The following EMX2 variants were observed in gnomAD, a reference collection of about 807,000 sequenced individuals.
The protein encoded by EMX2 is empty spiracles homeobox 2.
In EMX2, 6 loss-of-function variants were observed where a neutral mutation model predicts 23.0. The observed-to-expected ratio is 0.26, with a 90% CI of 0.14 to 0.52. EMX2 has a LOEUF of 0.52. Ranked by LOEUF, EMX2 falls within the 20% of genes least tolerant of loss-of-function variation. The probability of loss-of-function intolerance (pLI) is 0.97; values close to 1 mark genes in which losing one functional copy is unlikely to be tolerated. For synonymous variants in EMX2, 175 were observed against 153.3 expected (o/e 1.14, Z -1.04); for missense variants, 302 against 341.4 (o/e 0.88, Z 0.91).
Position 117,548,536 on chromosome 10 carries a change from GAA to G in EMX2, c.*306_*307del. On this transcript the variant is annotated 3_prime_UTR_variant, in exon 3 of 3. Transcript: ENST00000553456. ...AAGGAGAAAGAGGGAGGGAGAGAGA[GAA>G]AGAGAGAGAAAGAGAGAGAGAGAGA... The G allele has an allele frequency of 2.3e-6, 1 of 430,482 alleles. No homozygotes were observed. Among genetic ancestry groups the G allele is most frequent in the African/African-American group, 4.7e-5 (1 of 21,070 alleles). The allele number at this position is 430,482 out of a possible 1,614,324, so 26.7% of individuals were successfully genotyped here.
At position 117,548,411 on chromosome 10, in the gene EMX2, G is replaced by T; in HGVS notation, c.*179G>T. On this transcript the variant is annotated 3_prime_UTR_variant, in exon 3 of 3. Coordinates refer to ENST00000553456, the MANE Select transcript of EMX2 (RefSeq NM_004098.4). ...AGACTCTGGACAGCGAGGGCACAGGGTCCCAAACCGAGGCCGCGCCAAGAT... is the reference window on the plus strand; with the variant it reads ...AGACTCTGGACAGCGAGGGCACAGGTTCCCAAACCGAGGCCGCGCCAAGAT... 2.0e-6 allele frequency: 2 copies of T among 1,020,106 alleles called. No individual in the cohort carries two copies. Among genetic ancestry groups the T allele is most frequent in the South Asian group, 1.7e-5 (1 of 59,200 alleles). 63.2% of individuals were successfully genotyped at this position (1,020,106 alleles called of 1,614,324 possible).
intron 2 of EMX2, 130 bp downstream of exon 2, chr10:117,545,946 G>C (rs1030543291): frequency 7.7e-7 from 1 of 1,305,792 alleles, no homozygotes; most frequent in South Asian, 1.3e-5. Context: ...CTGGTTCCAC[G>C]CCTGGGCTCG....
rs1846619730 is a variant in EMX2, at chr10:117,548,901, T to G, written c.*669T>G. On this transcript the variant is annotated 3_prime_UTR_variant, in exon 3 of 3. Coordinates refer to ENST00000553456, the MANE Select transcript of EMX2 (RefSeq NM_004098.4). ...ATGAATTGTAATTTTCTTTTCCTTT[T>G]AAAGACAGGTTCTGTGTGCTTTTTA... is the stretch of plus-strand genomic sequence containing the variant. 1.1e-5 allele frequency: 4 copies of G among 377,166 alleles called. No individual in the cohort carries two copies. The highest frequency in any genetic ancestry group is 2.1e-5 in the African/African-American group (1 of 48,324). The allele number at this position is 377,166 out of a possible 1,614,324, so 23.4% of individuals were successfully genotyped here.
At chr10:117,546,636 C>A (rs899300588) in intron 2 of EMX2, among the ~76,000 whole-genome samples, 2 of 152,244 alleles carry the variant, frequency 1.3e-5, no homozygotes, top group East Asian at 1.9e-4. Flanking sequence ...TTGTGCGGAG[C>A]CCGGCACAAG....
At position 117,548,248 on chromosome 10, in the gene EMX2, C is replaced by A. The variant is rs1457255673; in HGVS notation, c.*16C>A. ...AGATGATTAAAAACATAAACCTAAC[C>A]CCACAGAAACGGACAACATGGAGCA... On this transcript the variant is annotated 3_prime_UTR_variant, in exon 3 of 3. Transcript: ENST00000553456. The A allele has an allele frequency of 1.2e-6, 2 of 1,612,614 alleles. No individual in the cohort carries two copies. Among genetic ancestry groups the A allele is most frequent in the Non-Finnish European group, 1.7e-6 (2 of 1,179,424 alleles).
chr10:117,543,333 G>A lies in EMX2; in HGVS notation c.66G>A (p.Leu22=). The A allele has an allele frequency of 6.4e-7, 1 of 1,554,858 alleles. No individual in the cohort carries two copies. The highest frequency in any genetic ancestry group is 2.4e-5 in the East Asian group (1 of 41,120). ...IESLVAKDSP[L]PASRSEDPIR... ...CGCTGGTGGCCAAGGACAGTCCCCT[G>A]CCCGCCTCGCGCTCCGAGGACCCCA... Residue 22 remains leucine, a synonymous_variant, in exon 1 of 3, where the codon CTG becomes CTA. Transcript: ENST00000553456.
Position 117,545,808 on chromosome 10 carries a change from G to C in EMX2, c.583G>C (p.Glu195Gln). The C allele has an allele frequency of 6.2e-7, 1 of 1,613,880 alleles. No homozygotes were observed. The highest frequency in any genetic ancestry group is 1.1e-5 in the South Asian group (1 of 91,086). Residue 195 changes from glutamate to glutamine, a missense_variant, in exon 2 of 3, where the codon GAA (glutamate) becomes CAA (glutamine). This residue lies in a region of EMX2 where 37 missense variants were observed against 69.1 expected (regional missense o/e 0.54). Transcript: ENST00000553456. ...KQLAHSLSLT[E>Q]TQVKVWFQNR... The stretch of plus-strand genomic sequence containing the variant: ...GCTGGCACACAGCCTCAGCCTCACG[G>C]AAACTCAGGTGACTGCGGCCCGGGC...
chr10:117,548,059 C>T lies in EMX2; in HGVS notation c.592-6C>T, dbSNP rs763465060. 9 of 1,607,874 alleles carry T rather than the reference C, an allele frequency of 5.6e-6. No individual in the cohort carries two copies. The highest frequency in any genetic ancestry group is 1.3e-5 in the African/African-American group (1 of 74,914). The stretch of plus-strand genomic sequence containing the variant: ...CTAACGCACCCCATCTGCCTCTCAC[C>T]CGCAGGTAAAAGTATGGTTTCAGAA... On this transcript the variant is annotated splice_polypyrimidine_tract_variant and splice_region_variant and intron_variant, in intron 2 of 2. Transcript: ENST00000553456.
intron 2 of EMX2, 62 bp downstream of exon 2, chr10:117,545,878 C>T (rs1195912026): frequency 3.1e-6 from 5 of 1,606,732 alleles, no homozygotes; most frequent in South Asian, 1.1e-5. Flanking sequence ...AAAGCTGGCT[C>T]CCAAGCACAC....
rs1363488013 is a variant in EMX2 at position 117,548,552 on chromosome 10, G to GAGAGAA, written c.*325_*326insAAGAGA. On this transcript the variant is annotated 3_prime_UTR_variant, in exon 3 of 3. Coordinates refer to ENST00000553456, the MANE Select transcript of EMX2 (RefSeq NM_004098.4). ...GGAGAGAGAGAAAGAGAGAGAAAGA[G>GAGAGAA]AGAGAGAGAGAGAGAGAGAGAAAGC... The GAGAGAA allele has an allele frequency of 5.0e-3, 23 of 4,596 alleles. No homozygotes were observed. The highest frequency in any genetic ancestry group is 0.026 in the South Asian group (3 of 116). The allele number at this position is 4,596 out of a possible 1,614,324, so 0.3% of individuals were successfully genotyped here.
rs71013666 is a variant in EMX2, at chr10:117,542,913, CAAAAA to C, written c.-335_-331del. ...CTCCGATCCCCCCACGCCATCTCGC[CAAAAA>C]AAAAAAAAAAAAAAAAAAAGAAAAA... is the stretch of plus-strand genomic sequence containing the variant. On this transcript the variant is annotated 5_prime_UTR_variant, in exon 1 of 3. Coordinates refer to ENST00000553456, the MANE Select transcript of EMX2 (RefSeq NM_004098.4). 3.9e-4 allele frequency: 3 copies of C among 7,792 alleles called. No individual in the cohort carries two copies. The highest frequency in any genetic ancestry group is 5.8e-4 in the Non-Finnish European group (3 of 5,182). 0.5% of individuals were successfully genotyped at this position (7,792 alleles called of 1,614,324 possible).
At chr10:117,547,725 G>C (rs1431940203) in intron 2 of EMX2, among the ~76,000 whole-genome samples, 1 of 152,216 alleles carries the variant, frequency 6.6e-6, no homozygotes, top group Non-Finnish European at 1.5e-5. Flanking sequence ...TTTTGTAGGG[G>C]CTTCCCATGC....
In EMX2 at chr10:117,548,578, T is replaced by G. The variant is rs447520; in HGVS notation, c.*346T>G. The stretch of plus-strand genomic sequence containing the variant: ...AGAGAGAGAGAGAGAGAGAGAAAGC[T>G]GAACGTGCACTCTGACAAGGGGAGC... On this transcript the variant is annotated 3_prime_UTR_variant, in exon 3 of 3. Transcript: ENST00000553456. 493 of 511,820 alleles carry G rather than the reference T, an allele frequency of 9.6e-4. 3 individuals carry two copies. Among genetic ancestry groups the G allele is most frequent in the African/African-American group, 8.5e-3 (436 of 51,096 alleles). 31.7% of individuals were successfully genotyped at this position (511,820 alleles called of 1,614,324 possible). A position where few individuals can be genotyped will look rare whatever the true frequency, so the allele number is the denominator to read the frequency against.
At position 117,548,548 on chromosome 10, in the gene EMX2, A is replaced by G. The variant is rs11814649; in HGVS notation, c.*316A>G. ...GGAGGGAGAGAGAGAAAGAGAGAGAAAGAGAGAGAGAGAGAGAGAGAGAGA... is the reference window on the plus strand; with the variant it reads ...GGAGGGAGAGAGAGAAAGAGAGAGAGAGAGAGAGAGAGAGAGAGAGAGAGA... On this transcript the variant is annotated 3_prime_UTR_variant, in exon 3 of 3. Coordinates refer to ENST00000553456, the MANE Select transcript of EMX2 (RefSeq NM_004098.4). 2 of 464,822 alleles carry G rather than the reference A, an allele frequency of 4.3e-6. No individual in the cohort carries two copies. The highest frequency in any genetic ancestry group is 4.7e-5 in the South Asian group (1 of 21,082). 28.8% of individuals were successfully genotyped at this position (464,822 alleles called of 1,614,324 possible). A position where few individuals can be genotyped will look rare whatever the true frequency, so the allele number is the denominator to read the frequency against.
chr10:117,543,359 T>G lies in EMX2; in HGVS notation c.92T>G (p.Ile31Ser), dbSNP rs780189136. 1 of 1,565,220 alleles carries G rather than the reference T, an allele frequency of 6.4e-7. No individual in the cohort carries two copies. Among genetic ancestry groups the G allele is most frequent in the Non-Finnish European group, 8.7e-7 (1 of 1,155,818 alleles). Reference protein sequence around the residue: ...PLPASRSEDPIRPAALSYANS... With the variant: ...PLPASRSEDPSRPAALSYANS... ...CCCGCCTCGCGCTCCGAGGACCCCATCCGTCCCGCGGCACTCAGCTACGCT... is the reference window on the plus strand; with the variant it reads ...CCCGCCTCGCGCTCCGAGGACCCCAGCCGTCCCGCGGCACTCAGCTACGCT... The change falls in exon 1 of 3, where the codon ATC (isoleucine) becomes AGC (serine). Residue 31 changes from isoleucine to serine, a missense_variant. Around this residue, in one of 4 missense-constraint regions of EMX2, gnomAD observed 221 missense variants for 206.8 expected, o/e 1.07. Transcript: ENST00000553456.
rs781687437 is a variant in EMX2, at chr10:117,548,157, G to C, written c.684G>C (p.Thr228=). The change falls in exon 3 of 3, where the codon ACG becomes ACC. Residue 228 remains threonine, a synonymous_variant. Coordinates refer to ENST00000553456, the MANE Select transcript of EMX2 (RefSeq NM_004098.4). ...GSDSQQKKKG[T]HHINRWRIAT... Reference sequence around the variant, plus strand: ...ATTCGCAACAAAAGAAAAAAGGGACGCACCATATTAACCGGTGGAGAATCG... The same window carrying C: ...ATTCGCAACAAAAGAAAAAAGGGACCCACCATATTAACCGGTGGAGAATCG... The C allele has an allele frequency of 1.9e-6, 3 of 1,613,954 alleles. No homozygotes were observed. The highest frequency in any genetic ancestry group is 2.7e-5 in the African/African-American group (2 of 74,986).
Position 117,545,834 on chromosome 10 carries a change from G to C in EMX2, c.591+18G>C, listed in dbSNP as rs778391840. On this transcript the variant is annotated intron_variant, in intron 2 of 2. Coordinates refer to ENST00000553456, the MANE Select transcript of EMX2 (RefSeq NM_004098.4). ...AAACTCAGGTGACTGCGGCCCGGGCGCGAGGAACCCATCTAGGCGTGCGCC... is the reference window on the plus strand; with the variant it reads ...AAACTCAGGTGACTGCGGCCCGGGCCCGAGGAACCCATCTAGGCGTGCGCC... 2 of 1,613,484 alleles carry C rather than the reference G, an allele frequency of 1.2e-6. No homozygotes were observed. Among genetic ancestry groups the C allele is most frequent in the African/African-American group, 1.3e-5 (1 of 74,938 alleles).
At chr10:117,545,585 G>T (rs779622064) in intron 1 of EMX2, 47 bp from the exon 2 acceptor site, 2 of 1,610,568 alleles carry the variant, frequency 1.2e-6, no homozygotes, top group Non-Finnish European at 1.7e-6. Context: ...GCGCGGCTCC[G>T]GTCAGAGCAG....
In EMX2 at chr10:117,548,373, C is replaced by T; in HGVS notation, c.*141C>T. The T allele has an allele frequency of 1.4e-5, 18 of 1,316,288 alleles. No individual in the cohort carries two copies. The South Asian group carries it at 2.5e-4, about 18-fold the overall frequency. The allele number at this position is 1,316,288 out of a possible 1,614,324, so 81.5% of individuals were successfully genotyped here. A position where few individuals can be genotyped will look rare whatever the true frequency, so the allele number is the denominator to read the frequency against. ...AGGGAGAGGGAATCGGAGGGAGCAG[C>T]GGAATGCGGCGAAGACTCTGGACAG... On this transcript the variant is annotated 3_prime_UTR_variant, in exon 3 of 3. Coordinates refer to ENST00000553456, the MANE Select transcript of EMX2 (RefSeq NM_004098.4).
Sources: gnomAD v4.1 joint callset for allele counts (sites outside exome capture counted in the v4.1 genomes callset) on GRCh38, gnomAD v4.1.1 for gene constraint, gnomAD v4.1.1 regional missense constraint, MANE v1.5 for transcripts, NCBI Gene and HGNC (gene_info 2026-07-23, HGNC 2026-07-21) for gene names.